Variants in SS18L1 observed in about 807,000 individuals in gnomAD.
SS18L1 encodes the protein SS18L1 subunit of BAF chromatin remodeling complex.
SS18L1 carries 32 observed loss-of-function variants against 70.3 expected under a neutral mutation model. The observed-to-expected ratio is 0.46, with a 90% CI of 0.34 to 0.61. The LOEUF is 0.61. Ranked by LOEUF, SS18L1 falls within the 20% of genes least tolerant of loss-of-function variation. The pLI, the probability that SS18L1 is intolerant of heterozygous loss-of-function variation, is 0.01. For missense variants in SS18L1, 430 were observed against 542.1 expected (o/e 0.79, Z 2.05); for synonymous variants, 237 against 229.7 (o/e 1.03, Z -0.29).
intron 1 of SS18L1, among the ~76,000 whole-genome samples, chr20:62,149,105 C>T (rs2057083214): frequency 6.6e-6 from 1 of 152,248 alleles, no homozygotes; most frequent in East Asian, 1.9e-4. Flanking sequence ...TGCTTGGAGT[C>T]AGAAGACAGA....
At chr20:62,169,719 C>T (rs1025824198) in intron 8 of SS18L1, among the ~76,000 whole-genome samples, 7 of 151,734 alleles carry the variant, frequency 4.6e-5, no homozygotes, top group African/African-American at 1.7e-4. Flanking sequence ...GCAGAGGTAG[C>T]AGTGAGCCAA....
In SS18L1 at chr20:62,179,831, C is replaced by T. The variant is rs1037200495; in HGVS notation, c.*623C>T. On this transcript the variant is annotated 3_prime_UTR_variant, in exon 11 of 11. Coordinates refer to ENST00000331758, the MANE Select transcript of SS18L1 (RefSeq NM_198935.3). ...GGCCACTTCCAGAGCTTGCCCATTG[C>T]CTGTCTCTCGCCAATTCCGTTTATC... The T allele has an allele frequency of 3.9e-5, 9 of 228,444 alleles. No homozygotes were observed. Among genetic ancestry groups the T allele is most frequent in the African/African-American group, 2.0e-4 (9 of 45,012 alleles). 14.2% of individuals were successfully genotyped at this position (228,444 alleles called of 1,614,324 possible). A position where few individuals can be genotyped will look rare whatever the true frequency, so the allele number is the denominator to read the frequency against.
chr20:62,145,189 C>T (rs1204942398), intron 1 of SS18L1, among the ~76,000 whole-genome samples: 3 of 152,228 alleles, frequency 2.0e-5, no homozygotes, highest in East Asian at 1.9e-4. Flanking sequence ...ATCCCAGACA[C>T]TGTTCTAGGG....
intron 6 of SS18L1, 77 bp from the exon 7 acceptor site, chr20:62,164,068 C>CT: frequency 7.2e-7 from 1 of 1,380,732 alleles, no homozygotes; most frequent in East Asian, 2.5e-5. Flanking sequence ...AAGGCCTTGG[C>CT]TTCCCCAGTG....
At chr20:62,145,998 G>A (rs150000127) in intron 1 of SS18L1, among the ~76,000 whole-genome samples, 2 of 148,616 alleles carry the variant, frequency 1.3e-5, no homozygotes, top group Non-Finnish European at 2.9e-5. Flanking sequence ...AGCATTCTGC[G>A]TGGTAGCGAA....
At chr20:62,155,862 C>G (rs968436797) in intron 1 of SS18L1, among the ~76,000 whole-genome samples, 1 of 152,058 alleles carries the variant, frequency 6.6e-6, no homozygotes, top group African/African-American at 2.4e-5. Flanking sequence ...ATCTTGTGCC[C>G]TCCCCATTCT....
intron 3 of SS18L1, among the ~76,000 whole-genome samples, chr20:62,160,950 G>C (rs969657309): frequency 6.6e-6 from 1 of 151,892 alleles, no homozygotes; most frequent in Non-Finnish European, 1.5e-5. Context: ...TGTGCGGTGT[G>C]ATCCGAGGCG....
chr20:62,157,617 G>T (rs1253380887), intron 1 of SS18L1, among the ~76,000 whole-genome samples: 1 of 152,224 alleles, frequency 6.6e-6, no homozygotes, highest in Admixed American at 6.5e-5. Flanking sequence ...CCCACATCTG[G>T]CTGTTCACCT....
chr20:62,151,350 C>T (rs896836099), intron 1 of SS18L1, among the ~76,000 whole-genome samples: 14 of 152,198 alleles, frequency 9.2e-5, no homozygotes, highest in African/African-American at 3.4e-4. Flanking sequence ...CCCGTCAGTC[C>T]CCGCTTGCCA....
chr20:62,155,321 G>C (rs768605381), intron 1 of SS18L1, among the ~76,000 whole-genome samples: 1 of 152,218 alleles, frequency 6.6e-6, no homozygotes, highest in Non-Finnish European at 1.5e-5. Context: ...GTTGAGGTAG[G>C]AGGATCACTT....
In SS18L1 at chr20:62,167,038, G is replaced by GTTTTT. The variant is rs201677571; in HGVS notation, c.916+1527_916+1528insTTTTT. Among the ~76,000 whole-genome samples, 33 of 110,940 alleles carry GTTTTT rather than the reference G, an allele frequency of 3.0e-4. 2 individuals carry two copies. Among genetic ancestry groups the GTTTTT allele is most frequent in the African/African-American group, 1.3e-3 (29 of 21,550 alleles). 72.8% of individuals were successfully genotyped at this position (110,940 alleles called of 152,430 possible). A position where few individuals can be genotyped will look rare whatever the true frequency, so the allele number is the denominator to read the frequency against. On this transcript the variant is annotated intron_variant, in intron 8 of 10. Coordinates refer to ENST00000331758, the MANE Select transcript of SS18L1 (RefSeq NM_198935.3). ...GAGGATTGCTTGAGCTCAGGAGTTT[G>GTTTTT]TTTGTTTTTTTTTTTTTTTTTTTTT... is the stretch of plus-strand genomic sequence containing the variant.
chr20:62,163,168 A>T lies in SS18L1; in HGVS notation c.556+237A>T, dbSNP rs766468355. ...TTTGCGAGGGGCTGGGGTGTTTCCC[A>T]TGGAGTCTCAGGGAATGCCCCAGGG... is the stretch of plus-strand genomic sequence containing the variant. On this transcript the variant is annotated intron_variant, in intron 5 of 10. Transcript: ENST00000331758. Among the ~76,000 whole-genome samples, 230 of 152,198 alleles carry T rather than the reference A, an allele frequency of 1.5e-3. 2 individuals carry two copies. The highest frequency in any genetic ancestry group is 7.1e-4 in the Non-Finnish European group (48 of 67,984).
rs1385901266 is a variant in SS18L1, at chr20:62,158,295, C to T, written c.70-377C>T. The stretch of plus-strand genomic sequence containing the variant: ...CCCTGCCGCTTACGGATGAAGTCCC[C>T]AGCACAGGGAGGTGTGAATGTTCGG... On this transcript the variant is annotated intron_variant, in intron 1 of 10. Transcript: ENST00000331758. The surrounding 1 kb of genome is among the most constrained non-coding windows in gnomAD (Gnocchi z 4.5). 1.3e-5 allele frequency among the ~76,000 whole-genome samples: 2 copies of T among 151,922 alleles called. No individual in the cohort carries two copies. The highest frequency in any genetic ancestry group is 2.9e-5 in the Non-Finnish European group (2 of 67,986).
At chr20:62,154,216 G>C (rs1330758720) in intron 1 of SS18L1, 1 of 584,930 alleles carries the variant, frequency 1.7e-6, no homozygotes, top group Non-Finnish European at 2.2e-6. Context: ...TTACTGGAAG[G>C]ACCCTGGGAC....
At chr20:62,176,624 G>C (rs1312369011) in intron 10 of SS18L1, among the ~76,000 whole-genome samples, 1 of 152,140 alleles carries the variant, frequency 6.6e-6, no homozygotes, top group African/African-American at 2.4e-5. Flanking sequence ...AGAGCAGCCT[G>C]GCCAACATGG....
At chr20:62,172,439 G>A (rs190421573) in intron 8 of SS18L1, among the ~76,000 whole-genome samples, 7 of 152,226 alleles carry the variant, frequency 4.6e-5, no homozygotes, top group East Asian at 3.9e-4. Context: ...CATTTGACCC[G>A]CGACGCTGGC....
At chr20:62,156,300 C>T (rs1381263072) in intron 1 of SS18L1, among the ~76,000 whole-genome samples, 3 of 152,200 alleles carry the variant, frequency 2.0e-5, no homozygotes, top group African/African-American at 7.2e-5. Context: ...GTTGTCCCTT[C>T]CTGCAGTTCA....
chr20:62,154,446 C>A (rs2057186938), intron 1 of SS18L1: 1 of 1,034,990 alleles, frequency 9.7e-7, no homozygotes, highest in Non-Finnish European at 1.2e-6. Context: ...CAGACCGTAG[C>A]CCTTCCGGAA....
At chr20:62,171,092 C>T (rs373035107) in intron 8 of SS18L1, among the ~76,000 whole-genome samples, 76 of 152,108 alleles carry the variant, frequency 5.0e-4, no homozygotes, top group African/African-American at 1.8e-3. Context: ...TTAGTAGAGA[C>T]GGGGTTTCAC....
Sources: allele counts gnomAD v4.1 joint callset (sites outside exome capture counted in the v4.1 genomes callset), GRCh38; gene constraint gnomAD v4.1.1; non-coding constraint Gnocchi (gnomAD v3.1); transcripts MANE v1.5; gene names NCBI Gene and HGNC (gene_info 2026-07-23, HGNC 2026-07-21).